The following DNAAF3 variants were observed in gnomAD, a reference collection of about 807,000 sequenced individuals.
DNAAF3 encodes dynein axonemal assembly factor 3, also known as UPF0470 protein C19orf51.
Under a neutral mutation model 50.9 loss-of-function variants are expected in DNAAF3, and 40 were observed. The ratio of observed to expected loss-of-function variants is 0.79; its 90% CI spans 0.61 to 1.02. The LOEUF (loss-of-function observed/expected upper bound fraction) is 1.02, where lower values mean the gene tolerates loss of function less well. Among genes scored for constraint, DNAAF3 ranks in the 50% least tolerant of loss-of-function variants. DNAAF3 has a pLI of 0.00. For synonymous variants in DNAAF3, 327 were observed against 322.8 expected, an observed-to-expected ratio of 1.01 and a Z score of -0.14; for missense variants, 763 against 744.7, an observed-to-expected ratio of 1.02 and a Z score of -0.29.
At position 55,166,478 on chromosome 19, in the gene DNAAF3, C is replaced by CCTCA. The variant is rs760900117; in HGVS notation, c.-5+41_-5+44dup. 8 of 1,613,546 alleles carry CCTCA rather than the reference C, an allele frequency of 5.0e-6. No individual in the cohort carries two copies. The highest frequency in any genetic ancestry group is 5.9e-6 in the Non-Finnish European group (7 of 1,179,594). On this transcript the variant is annotated intron_variant, in intron 1 of 11. Coordinates refer to ENST00000524407, the MANE Select transcript of DNAAF3 (RefSeq NM_001256715.2). The surrounding 1 kb of genome is among the most constrained non-coding windows in gnomAD (Gnocchi z 4.0). ...CCCGCCCCGCTCCCCTCTCACCGCC[C>CCTCA]CTCACTTCTCGCCCCTTTGCCTCCA...
rs1246449297 is a variant in DNAAF3, at chr19:55,159,417, T to C, written c.1271A>G (p.Gln424Arg). Residue 424 changes from glutamine to arginine, a missense_variant, in exon 12 of 12, where the codon CAG (glutamine) becomes CGG (arginine). By Grantham distance (43) the Gln-to-Arg change is conservative. Transcript: ENST00000524407. ...CTCCCTGACCCGGGTGTTGAATCCC[T>C]GCAGCTGCTCCTGCCGCACGTCCAC... ...YLVDVRQEQL[Q>R]GFNTRVRELA... is the part of the protein sequence containing the mutation. 1.9e-6 allele frequency: 3 copies of C among 1,614,020 alleles called. No individual in the cohort carries two copies. Among genetic ancestry groups the C allele is most frequent in the African/African-American group, 1.3e-5 (1 of 74,940 alleles).
chr19:55,159,115 G>A lies in DNAAF3; in HGVS notation c.1573C>T (p.Gln525Ter). Residue 525 changes from glutamine (Q) to a stop codon, truncating the protein, a stop_gained, in exon 12 of 12, where the codon CAG (glutamine) becomes TAG (stop). Coordinates refer to ENST00000524407, the MANE Select transcript of DNAAF3 (RefSeq NM_001256715.2). LOFTEE classifies it low-confidence loss of function (END_TRUNC). The part of the protein sequence containing the change: ...GSLSEVLAQP[Q>*]GALAPPNCES... ...CAGTTGGGCGGAGCCAAGGCCCCCT[G>A]AGGCTGAGCCAGAACCTCTGAGAGT... 7.4e-6 allele frequency: 12 copies of A among 1,612,706 alleles called. No homozygotes were observed. Among genetic ancestry groups the A allele is most frequent in the Non-Finnish European group, 1.0e-5 (12 of 1,179,352 alleles).
rs71367155 is a variant in DNAAF3, at chr19:55,159,613, G to A, written c.1164-6C>T. On this transcript the variant is annotated splice_polypyrimidine_tract_variant and splice_region_variant and intron_variant, in intron 10 of 11. Coordinates refer to ENST00000524407, the MANE Select transcript of DNAAF3 (RefSeq NM_001256715.2). ...GGATGAGAAGATGGACCATACTGCA[G>A]AGAGGACGGAGGACAGGCTGAGATT... is the stretch of plus-strand genomic sequence containing the variant. 6.2e-7 allele frequency: 1 copy of A among 1,612,730 alleles called. No individual in the cohort carries two copies. Among genetic ancestry groups the A allele is most frequent in the Non-Finnish European group, 8.5e-7 (1 of 1,179,464 alleles).
intron 4 of DNAAF3, 60 bp downstream of exon 4, chr19:55,165,310 A>G (rs755990610): frequency 2.1e-4 from 304 of 1,463,670 alleles, no homozygotes; most frequent in Non-Finnish European, 2.7e-4. Flanking sequence ...GAAATGCCAG[A>G]ATCCCTCTAG....
chr19:55,165,739 C>A, intron 3 of DNAAF3, 119 bp downstream of exon 3: 1 of 1,497,392 alleles, frequency 6.7e-7, no homozygotes. Flanking sequence ...CCAGCTTCTG[C>A]CTCCCTCAGA....
chr19:55,161,648 G>A lies in DNAAF3; in HGVS notation c.658C>T (p.Arg220Cys), dbSNP rs548697719. 1 of 1,536,212 alleles carries A rather than the reference G, an allele frequency of 6.5e-7. No individual in the cohort carries two copies. The highest frequency in any genetic ancestry group is 8.7e-7 in the Non-Finnish European group (1 of 1,145,438). The change falls in exon 6 of 12, where the codon CGC (arginine) becomes TGC (cysteine). Residue 220 changes from arginine (R) to cysteine (C), a missense_variant. Coordinates refer to ENST00000524407, the MANE Select transcript of DNAAF3 (RefSeq NM_001256715.2). This position sits in a 1 kb window ranked among gnomAD's most constrained non-coding sequence, Gnocchi z 6.4. ...CCCTCTCCTGGGCCCCTCACCCCGC[G>A]GTCATGCAGCTTCATGCGCAGGTCC... is the stretch of plus-strand genomic sequence containing the variant. ...DWDLRMKLHDRGAQVIHPQEF... is the reference protein window; with the variant it reads ...DWDLRMKLHDCGAQVIHPQEF...
chr19:55,162,437 C>T, intron 4 of DNAAF3, 147 bp from the exon 5 acceptor site: 1 of 998,718 alleles, frequency 1.0e-6, no homozygotes, highest in Non-Finnish European at 1.3e-6. Flanking sequence ...ACATGAAGAA[C>T]AGGGCCGGAC....
intron 4 of DNAAF3, chr19:55,162,956 C>T (rs902816570): frequency 1.3e-5 from 2 of 151,046 alleles, no homozygotes; most frequent in African/African-American, 4.9e-5. Flanking sequence ...GCATTAGCTA[C>T]CACACCCAGC....
intron 5 of DNAAF3, 93 bp downstream of exon 5, chr19:55,162,040 C>T (rs1370249663): frequency 6.0e-6 from 8 of 1,329,390 alleles, no homozygotes; most frequent in Non-Finnish European, 6.7e-6. Flanking sequence ...CCCCCTAGCC[C>T]GCCGCCTGCT....
At position 55,158,981 on chromosome 19, in the gene DNAAF3, C is replaced by A; in HGVS notation, c.*81G>T. On this transcript the variant is annotated 3_prime_UTR_variant, in exon 12 of 12. Transcript: ENST00000524407. ...AGAATAAAATTGAGGACTCTAGCAGCGGACTTAGAATGGTATCAGCGGGTT... is the reference window on the plus strand; with the variant it reads ...AGAATAAAATTGAGGACTCTAGCAGAGGACTTAGAATGGTATCAGCGGGTT... 3.4e-6 allele frequency: 5 copies of A among 1,461,220 alleles called. No individual in the cohort carries two copies. In the South Asian group the frequency reaches 4.1e-5, roughly 12 times the overall value. 90.5% of individuals were successfully genotyped at this position (1,461,220 alleles called of 1,614,324 possible).
At position 55,166,578 on chromosome 19, in the gene DNAAF3, T is replaced by C; in HGVS notation, c.-60A>G. On this transcript the variant is annotated 5_prime_UTR_variant, in exon 1 of 12. Coordinates refer to ENST00000524407, the MANE Select transcript of DNAAF3 (RefSeq NM_001256715.2). This position sits in a 1 kb window ranked among gnomAD's most constrained non-coding sequence, Gnocchi z 4.0. ...TTCCTCTCTGCTCAGTGCAGCACTGTGGACCCGCGGCACTCCACAACCGCT... is the reference window on the plus strand; with the variant it reads ...TTCCTCTCTGCTCAGTGCAGCACTGCGGACCCGCGGCACTCCACAACCGCT... 6.2e-7 allele frequency: 1 copy of C among 1,614,110 alleles called. No homozygotes were observed. The highest frequency in any genetic ancestry group is 8.5e-7 in the Non-Finnish European group (1 of 1,179,988).
chr19:55,166,564 T>A lies in DNAAF3; in HGVS notation c.-46A>T. ...TCCCGGGACGCCCCTTCCTCTCTGC[T>A]CAGTGCAGCACTGTGGACCCGCGGC... On this transcript the variant is annotated 5_prime_UTR_variant, in exon 1 of 12. Transcript: ENST00000524407. The surrounding 1 kb of genome is among the most constrained non-coding windows in gnomAD (Gnocchi z 4.0). 1 of 1,614,030 alleles carries A rather than the reference T, an allele frequency of 6.2e-7. No homozygotes were observed. Among genetic ancestry groups the A allele is most frequent in the Non-Finnish European group, 8.5e-7 (1 of 1,180,018 alleles).
In DNAAF3 at chr19:55,165,547, C is replaced by T. The variant is rs543136886; in HGVS notation, c.229-84G>A. ...CCCAGGAGAGCAGGCCCTCAGCTCT[C>T]TCCTTCCACACACCCGAGTTCTGTA... is the stretch of plus-strand genomic sequence containing the variant. On this transcript the variant is annotated intron_variant, in intron 3 of 11. Transcript: ENST00000524407. The T allele has an allele frequency of 5.1e-4, 698 of 1,356,740 alleles. 14 individuals are homozygous for T. In the South Asian group the frequency reaches 8.1e-3, roughly 16 times the overall value. The allele number at this position is 1,356,740 out of a possible 1,614,324, so 84.0% of individuals were successfully genotyped here.
Position 55,166,061 on chromosome 19 carries a change from C to G in DNAAF3, c.86-61G>C. ...GTTGGCAGAGCGTCCACCGTAGCAT[C>G]CCCTATAAAAAATGGACTACAAATC... On this transcript the variant is annotated intron_variant, in intron 2 of 11. Transcript: ENST00000524407. The surrounding 1 kb of genome is among the most constrained non-coding windows in gnomAD (Gnocchi z 4.0). The G allele has an allele frequency of 6.2e-7, 1 of 1,613,330 alleles. No homozygotes were observed. The highest frequency in any genetic ancestry group is 8.5e-7 in the Non-Finnish European group (1 of 1,179,740).
At position 55,161,255 on chromosome 19, in the gene DNAAF3, G is replaced by A. The variant is rs777811877; in HGVS notation, c.789+38C>T. On this transcript the variant is annotated intron_variant, in intron 7 of 11. Transcript: ENST00000524407. The surrounding 1 kb of genome is among the most constrained non-coding windows in gnomAD (Gnocchi z 6.4). ...GGGCCCCTGACTCCTAGGACTCCGA[G>A]CAGCAGCAGTGGGCCAGGACAGGCA... The A allele has an allele frequency of 4.4e-6, 7 of 1,598,320 alleles. No homozygotes were observed. The South Asian group carries it at 7.8e-5, about 18-fold the overall frequency.
intron 5 of DNAAF3, 89 bp downstream of exon 5, chr19:55,162,044 G>T (rs1411126930): frequency 2.3e-6 from 3 of 1,324,124 alleles, no homozygotes; most frequent in South Asian, 2.1e-5. Context: ...CTAGCCCGCC[G>T]CCTGCTCCAT....
intron 4 of DNAAF3, 119 bp downstream of exon 4, chr19:55,165,251 G>A: frequency 2.0e-6 from 2 of 981,686 alleles, no homozygotes; most frequent in Admixed American, 2.1e-5. Context: ...TCGGCTCACT[G>A]TAACCTCCGC....
rs1304007096 is a variant in DNAAF3 at position 55,160,838 on chromosome 19, C to G, written c.913-63G>C. 1.3e-6 allele frequency: 2 copies of G among 1,566,742 alleles called. No homozygotes were observed. The highest frequency in any genetic ancestry group is 1.4e-5 in the African/African-American group (1 of 73,706). On this transcript the variant is annotated intron_variant, in intron 8 of 11. Transcript: ENST00000524407. This position sits in a 1 kb window ranked among gnomAD's most constrained non-coding sequence, Gnocchi z 4.7. Reference sequence around the variant, plus strand: ...GGATGGCGGGGCGGGGCTTAGAACGCTGGGAGTCCTCGGTCCAGGACTAGA... The same window carrying G: ...GGATGGCGGGGCGGGGCTTAGAACGGTGGGAGTCCTCGGTCCAGGACTAGA...
chr19:55,166,210 A>G lies in DNAAF3; in HGVS notation c.85+119T>C. On this transcript the variant is annotated intron_variant, in intron 2 of 11. Coordinates refer to ENST00000524407, the MANE Select transcript of DNAAF3 (RefSeq NM_001256715.2). This position sits in a 1 kb window ranked among gnomAD's most constrained non-coding sequence, Gnocchi z 4.0. Reference sequence around the variant, plus strand: ...CTGGGAGCGCGCCCTCTGCCGCTGGAGCGTTGGAGAACGTTAGCGCCCCCC... The same window carrying G: ...CTGGGAGCGCGCCCTCTGCCGCTGGGGCGTTGGAGAACGTTAGCGCCCCCC... 1 of 1,547,812 alleles carries G rather than the reference A, an allele frequency of 6.5e-7. No homozygotes were observed. Among genetic ancestry groups the G allele is most frequent in the South Asian group, 1.2e-5 (1 of 84,600 alleles).
Sources: gnomAD v4.1 joint callset for allele counts on GRCh38, gnomAD v4.1.1 for gene constraint, Gnocchi (gnomAD v3.1) non-coding constraint, MANE v1.5 for transcripts, NCBI Gene and HGNC (gene_info 2026-07-23, HGNC 2026-07-21) for gene names.